PCDHA6: variants seen among roughly 807,000 people sequenced by gnomAD.
PCDHA6 encodes the protein protocadherin alpha-6.
Under a neutral mutation model 60.3 loss-of-function variants are expected in PCDHA6, and 55 were observed. The observed-to-expected ratio is 0.91, with a 90% CI of 0.73 to 1.14. The LOEUF is 1.14. Among genes scored for constraint, PCDHA6 ranks in the 50% most tolerant of loss-of-function variants. The pLI is 0.00. For synonymous variants in PCDHA6, 652 were observed against 557.9 expected (o/e 1.17, Z -2.38); for missense variants, 1,327 against 1,256.5 (o/e 1.06, Z -0.85).
At chr5:140,862,972 C>T (rs1554157331) in intron 1 of PCDHA6, 1 of 545,254 alleles carries the variant, frequency 1.8e-6, no homozygotes, top group Non-Finnish European at 3.6e-6. Flanking sequence ...ATGCAGGCCA[C>T]TTGGTGGCGA....
intron 1 of PCDHA6, chr5:140,876,310 G>A: frequency 6.2e-7 from 1 of 1,613,982 alleles, no homozygotes. Flanking sequence ...AATTTCCTAT[G>A]GGATCAAAAT....
intron 1 of PCDHA6, among the ~76,000 whole-genome samples, chr5:140,878,596 G>A (rs1352519824): frequency 6.6e-6 from 1 of 152,144 alleles, no homozygotes; most frequent in South Asian, 2.1e-4. Context: ...CTATTACCAA[G>A]TGAATCTTCT....
intron 1 of PCDHA6, among the ~76,000 whole-genome samples, chr5:140,831,441 C>T (rs2150194454): frequency 8.6e-5 from 13 of 151,182 alleles, no homozygotes; most frequent in Non-Finnish European, 1.8e-4. Flanking sequence ...CTCACTGCAC[C>T]CTCGAATGCC....
intron 1 of PCDHA6, among the ~76,000 whole-genome samples, chr5:140,908,919 G>T (rs781892541): frequency 1.3e-5 from 2 of 152,158 alleles, no homozygotes; most frequent in Non-Finnish European, 2.9e-5. Context: ...TGTAGGAGGG[G>T]CCAAATGCAG....
At chr5:140,919,222 C>G (rs1367427149) in intron 1 of PCDHA6, among the ~76,000 whole-genome samples, 3 of 152,144 alleles carry the variant, frequency 2.0e-5, no homozygotes, top group African/African-American at 7.2e-5. Flanking sequence ...TTCTTGATTT[C>G]TAGTAACACT....
At chr5:140,987,314 G>A (rs1554249065) in intron 3 of PCDHA6, among the ~76,000 whole-genome samples, 1 of 152,126 alleles carries the variant, frequency 6.6e-6, no homozygotes, top group Non-Finnish European at 1.5e-5. Flanking sequence ...CCAATGTACT[G>A]TGAAGTTTTA....
intron 3 of PCDHA6, among the ~76,000 whole-genome samples, chr5:141,005,737 G>GATGAGAA (rs1365089563): frequency 2.8e-5 from 4 of 143,576 alleles, no homozygotes; most frequent in Non-Finnish European, 6.0e-5. Context: ...AAAAAGAATG[G>GATGAGAA]ATGAGAAATC....
At chr5:140,907,647 G>A (rs1336039908) in intron 1 of PCDHA6, among the ~76,000 whole-genome samples, 1 of 152,192 alleles carries the variant, frequency 6.6e-6, no homozygotes, top group East Asian at 1.9e-4. Flanking sequence ...CTGGCAAATT[G>A]GGCACTCAGC....
chr5:140,849,878 G>C, intron 1 of PCDHA6: 1 of 1,598,602 alleles, frequency 6.3e-7, no homozygotes, highest in South Asian at 1.1e-5. Context: ...CCGAGTACAC[G>C]GTGTTCGTGA....
chr5:140,902,203 CTTT>C lies in PCDHA6; in HGVS notation c.2394+71734_2394+71736del, dbSNP rs148688132. ...TTATGTCTTCTCTCTCTCTCTCTTT[CTTT>C]TTTTTTTTTTTTTTTGAGATGAGGA... On this transcript the variant is annotated intron_variant, in intron 1 of 3. Coordinates refer to ENST00000529310, the MANE Select transcript of PCDHA6 (RefSeq NM_018909.4). Among the ~76,000 whole-genome samples, 328 of 124,424 alleles carry C rather than the reference CTTT, an allele frequency of 2.6e-3. 2 individuals are homozygous for C. Among genetic ancestry groups the C allele is most frequent in the Middle Eastern group, 0.017 (4 of 242 alleles). 81.6% of individuals were successfully genotyped at this position (124,424 alleles called of 152,430 possible).
intron 1 of PCDHA6, chr5:140,850,098 G>A: frequency 6.3e-7 from 1 of 1,596,440 alleles, no homozygotes; most frequent in South Asian, 1.1e-5. Context: ...ACAGTTCCAG[G>A]TGAGCGCGCG....
intron 3 of PCDHA6, among the ~76,000 whole-genome samples, chr5:141,002,953 T>G (rs2098104496): frequency 1.3e-5 from 2 of 152,230 alleles, no homozygotes; most frequent in Non-Finnish European, 2.9e-5. Context: ...CATGCCCCTC[T>G]GAGAGCTTTC....
At chr5:140,836,283 A>T (rs2150256812) in intron 1 of PCDHA6, 1 of 1,613,716 alleles carries the variant, frequency 6.2e-7, no homozygotes, top group South Asian at 1.1e-5. Context: ...GATCAGCACG[A>T]CACGAGCCCT....
chr5:141,006,794 A>G (rs1416356472), intron 3 of PCDHA6, among the ~76,000 whole-genome samples: 1 of 152,160 alleles, frequency 6.6e-6, no homozygotes, highest in African/African-American at 2.4e-5. Context: ...ATTAGCTTTG[A>G]ACTTTCTGGC....
In PCDHA6 at chr5:140,841,621, G is replaced by A. The variant is rs2150319619; in HGVS notation, c.2394+11136G>A. 7.4e-6 allele frequency: 12 copies of A among 1,614,032 alleles called. No homozygotes were observed. The African/African-American group carries it at 1.3e-4, about 18-fold the overall frequency. On this transcript the variant is annotated intron_variant, in intron 1 of 3. Coordinates refer to ENST00000529310, the MANE Select transcript of PCDHA6 (RefSeq NM_018909.4). ...GCGAGGAGCTGTGCGGGCGGAGCGC[G>A]GAGTGCAGCATCCACCTGGAGGTGA...
chr5:140,969,149 G>C (rs782510891), intron 1 of PCDHA6: 3 of 1,614,120 alleles, frequency 1.9e-6, no homozygotes, highest in South Asian at 1.1e-5. Context: ...CTGCTACAAG[G>C]CCTGTCTGAC....
rs2150359087 is a variant in PCDHA6, at chr5:140,843,393, C to A, written c.2394+12908C>A. 46 of 1,596,052 alleles carry A rather than the reference C, an allele frequency of 2.9e-5. 2 individuals are homozygous for A. The highest frequency in any genetic ancestry group is 4.4e-5 in the South Asian group (4 of 90,510). ...TCGGCTGGCGTTTTGGGTCCGGAAG[C>A]GGCGCTGGTGGATGTCAACGTGTAC... On this transcript the variant is annotated intron_variant, in intron 1 of 3. Transcript: ENST00000529310.
chr5:140,858,032 G>A lies in PCDHA6; in HGVS notation c.2394+27547G>A. 6.3e-7 allele frequency: 1 copy of A among 1,597,242 alleles called. No homozygotes were observed. The highest frequency in any genetic ancestry group is 8.6e-7 in the Non-Finnish European group (1 of 1,167,272). The stretch of plus-strand genomic sequence containing the variant: ...TGGCGAGCCGTCGCTGACGGCCACG[G>A]CCACTGTGCTTGTGTCGCTTGTGGA... On this transcript the variant is annotated intron_variant, in intron 1 of 3. Transcript: ENST00000529310.
chr5:140,890,488 T>C (rs1022131727), intron 1 of PCDHA6, among the ~76,000 whole-genome samples: 20 of 152,340 alleles, frequency 1.3e-4, no homozygotes, highest in African/African-American at 4.8e-4. Flanking sequence ...GTTATTTTTG[T>C]CTCACCATTT....
Sources: allele counts gnomAD v4.1 joint callset (sites outside exome capture counted in the v4.1 genomes callset), GRCh38; gene constraint gnomAD v4.1.1; transcripts MANE v1.5; gene names NCBI Gene and HGNC (gene_info 2026-07-23, HGNC 2026-07-21).